The following SLC17A1 variants were observed in gnomAD, a reference collection of about 807,000 sequenced individuals.
SLC17A1 encodes solute carrier family 17 member 1.
SLC17A1 carries 51 observed loss-of-function variants against 53.5 expected under a neutral mutation model. That is an observed-to-expected ratio of 0.95 (90% CI 0.76 to 1.20). The LOEUF is 1.20. SLC17A1 is among the 50% of genes most tolerant of loss of function. The pLI is 0.00. For synonymous variants in SLC17A1, 179 were observed against 198.8 expected (o/e 0.90, Z 0.84); for missense variants, 538 against 568.2 (o/e 0.95, Z 0.54).
chr6:25,791,250 C>A (rs1165864299), intron 12 of SLC17A1, among the ~76,000 whole-genome samples: 1 of 152,084 alleles, frequency 6.6e-6, no homozygotes, highest in East Asian at 1.9e-4. Context: ...TGCTACAGGT[C>A]TTTTTAAATA....
chr6:25,775,455 A>G, the SLC17A1 span, among the ~76,000 whole-genome samples: 1 of 151,666 alleles, frequency 6.6e-6, no homozygotes, highest in Non-Finnish European at 1.5e-5. Flanking sequence ...CTTTCTTTTG[A>G]GACAACGTCT....
the SLC17A1 span, chr6:25,777,601 AACAAC>A: frequency 1.4e-4 from 29 of 208,622 alleles, no homozygotes; most frequent in African/African-American, 6.9e-4. Flanking sequence ...CAACAACAAC[AACAAC>A]AAAAACCTTA....
chr6:25,750,711 GA>G, the SLC17A1 span, among the ~76,000 whole-genome samples: 1 of 151,884 alleles, frequency 6.6e-6, no homozygotes, highest in Admixed American at 6.6e-5. Flanking sequence ...GATTTTGAGT[GA>G]CATAATACCA....
chr6:25,735,182 T>C, the SLC17A1 span, among the ~76,000 whole-genome samples: 1 of 152,236 alleles, frequency 6.6e-6, no homozygotes, highest in Non-Finnish European at 1.5e-5. Flanking sequence ...TTGGTGAGTG[T>C]TGGCTATTTT....
the SLC17A1 span, chr6:25,726,183 C>A: frequency 6.3e-7 from 1 of 1,592,582 alleles, no homozygotes; most frequent in Admixed American, 1.7e-5. Flanking sequence ...TGGGCAGCAG[C>A]ACTGCCTGAA....
At chr6:25,831,523 T>A (rs764895559) in intron 1 of SLC17A1, among the ~76,000 whole-genome samples, 1 of 152,010 alleles carries the variant, frequency 6.6e-6, no homozygotes, top group Admixed American at 6.6e-5. Context: ...ACATACAACA[T>A]AAACACATGG....
chr6:25,831,276 A>T lies in SLC17A1; in HGVS notation c.-50-669T>A, dbSNP rs539434416. 3.9e-5 allele frequency among the ~76,000 whole-genome samples: 6 copies of T among 152,236 alleles called. No homozygotes were observed. The East Asian group carries it at 1.2e-3, about 29-fold the overall frequency. On this transcript the variant is annotated intron_variant, in intron 1 of 12. Coordinates refer to ENST00000244527, the MANE Select transcript of SLC17A1 (RefSeq NM_005074.5). ...CCCTTACCATCAGAATTCAGCACCAATATGTGCTGGTCAGGTTAGACCTCA... is the reference window on the plus strand; with the variant it reads ...CCCTTACCATCAGAATTCAGCACCATTATGTGCTGGTCAGGTTAGACCTCA...
intron 12 of SLC17A1, among the ~76,000 whole-genome samples, chr6:25,797,340 A>G (rs764985333): frequency 2.0e-5 from 3 of 152,206 alleles, no homozygotes; most frequent in East Asian, 1.9e-4. Context: ...ATTTGGCTCA[A>G]TGAATTATTA....
chr6:25,819,182 TA>T (rs748398281), intron 5 of SLC17A1, 28 bp from the exon 6 acceptor site: 5 of 1,469,548 alleles, frequency 3.4e-6, no homozygotes, highest in Non-Finnish European at 4.7e-6. Context: ...AGAACACCCC[TA>T]ATTAATGCAG....
At chr6:25,762,640 C>A in the SLC17A1 span, among the ~76,000 whole-genome samples, 1 of 152,046 alleles carries the variant, frequency 6.6e-6, no homozygotes. Flanking sequence ...AAGGCAAAAC[C>A]CTAACCAAGA....
At chr6:25,826,438 T>A (rs1398796384) in intron 3 of SLC17A1, 23 bp downstream of exon 3, 10 of 1,574,172 alleles carry the variant, frequency 6.4e-6, no homozygotes, top group Admixed American at 3.6e-5. Flanking sequence ...AACATTTGAC[T>A]GTGGGGAAAA....
the SLC17A1 span, among the ~76,000 whole-genome samples, chr6:25,760,540 G>A: frequency 1.1e-4 from 16 of 152,070 alleles, no homozygotes; most frequent in Middle Eastern, 6.8e-3. Context: ...ATTCCTATCC[G>A]TTATTTCCTA....
chr6:25,785,432 A>G (rs1398917908), intron 12 of SLC17A1, among the ~76,000 whole-genome samples: 1 of 152,146 alleles, frequency 6.6e-6, no homozygotes, highest in Non-Finnish European at 1.5e-5. Context: ...ATATGACAAC[A>G]AAGCCACAAG....
chr6:25,786,039 C>G (rs1763376038), intron 12 of SLC17A1, among the ~76,000 whole-genome samples: 1 of 152,160 alleles, frequency 6.6e-6, no homozygotes, highest in Non-Finnish European at 1.5e-5. Flanking sequence ...ACATAGTGGT[C>G]TATTCACAGC....
the SLC17A1 span, chr6:25,727,004 G>C: frequency 6.2e-7 from 1 of 1,614,200 alleles, no homozygotes; most frequent in Non-Finnish European, 8.5e-7. Context: ...AAAAGCGCAA[G>C]AGGACCCGTA....
intron 3 of SLC17A1, among the ~76,000 whole-genome samples, chr6:25,822,617 T>C (rs1379191261): frequency 6.6e-6 from 1 of 152,142 alleles, no homozygotes; most frequent in African/African-American, 2.4e-5. Context: ...GCTAGAGAAA[T>C]CTTTCAAGCT....
the SLC17A1 span, chr6:25,732,082 T>TAC: frequency 9.1e-7 from 1 of 1,103,912 alleles, no homozygotes; most frequent in African/African-American, 1.6e-5. Flanking sequence ...TTGCGCTTTT[T>TAC]GTCCTCCTTC....
the SLC17A1 span, among the ~76,000 whole-genome samples, chr6:25,755,355 A>G: frequency 0.24 from 36,140 of 152,090 alleles, 4,896 homozygotes; most frequent in Non-Finnish European, 0.3. Context: ...AGTTTAGGGC[A>G]GAGGACTTTA....
chr6:25,741,472 T>C, the SLC17A1 span, among the ~76,000 whole-genome samples: 2 of 150,422 alleles, frequency 1.3e-5, no homozygotes, highest in Non-Finnish European at 2.9e-5. Flanking sequence ...CCCAGCACTT[T>C]GGGAGGCCGA....
Sources: gnomAD v4.1 joint callset for allele counts (sites outside exome capture counted in the v4.1 genomes callset) on GRCh38, gnomAD v4.1.1 for gene constraint, MANE v1.5 for transcripts, NCBI Gene and HGNC (gene_info 2026-07-23, HGNC 2026-07-21) for gene names.